SLC11A2: variants seen among roughly 807,000 people sequenced by gnomAD.
SLC11A2 encodes solute carrier family 11 member 2, also known as natural resistance-associated macrophage protein 2.
Under a neutral mutation model 68.0 loss-of-function variants are expected in SLC11A2, and 38 were observed. That is an observed-to-expected ratio of 0.56 (90% CI 0.43 to 0.73). The LOEUF is 0.73. SLC11A2 is among the 30% of genes least tolerant of loss of function. The probability of loss-of-function intolerance (pLI) is 0.00; values close to 1 mark genes in which losing one functional copy is unlikely to be tolerated. For synonymous variants in SLC11A2, 242 were observed against 250.6 expected, an observed-to-expected ratio of 0.97 and a Z score of 0.32; for missense variants, 517 against 690.5, an observed-to-expected ratio of 0.75 and a Z score of 2.82.
chr12:50,999,149 C>T (rs752479923), intron 8 of SLC11A2, 25 bp downstream of exon 8: 3 of 1,550,924 alleles, frequency 1.9e-6, no homozygotes, highest in South Asian at 2.3e-5. Flanking sequence ...TTTTAAGAAG[C>T]TAATGAATAT....
chr12:51,018,709 A>T (rs555020329), intron 1 of SLC11A2, among the ~76,000 whole-genome samples: 7 of 151,730 alleles, frequency 4.6e-5, no homozygotes, highest in Non-Finnish European at 8.8e-5. Flanking sequence ...TTGTGGCTGC[A>T]GTGAGCCGTG....
intron 15 of SLC11A2, among the ~76,000 whole-genome samples, chr12:50,989,048 CG>C (rs1315261816): frequency 6.6e-6 from 1 of 152,114 alleles, no homozygotes; most frequent in Non-Finnish European, 1.5e-5. Flanking sequence ...TGTAAGTTCT[CG>C]GAAGTCCACT....
chr12:51,014,126 A>T (rs1476920106), intron 1 of SLC11A2: 2 of 151,976 alleles, frequency 1.3e-5, no homozygotes, highest in African/African-American at 4.8e-5. Flanking sequence ...CTGGACAAAA[A>T]TTTTTCTTTT....
downstream of SLC11A2, among the ~76,000 whole-genome samples, chr12:50,983,028 AT>A (rs540469827): frequency 7.4e-4 from 111 of 150,264 alleles, no homozygotes; most frequent in East Asian, 0.019. Flanking sequence ...TGAAGTTGTT[AT>A]TTTTTTTGTA....
the SLC11A2 span, chr12:50,954,314 A>C: frequency 6.8e-6 from 3 of 438,730 alleles, no homozygotes; most frequent in Admixed American, 3.9e-5. Flanking sequence ...ATTCTATTTT[A>C]TCCATTTCAT....
chr12:51,003,696 G>C (rs942861567), intron 5 of SLC11A2, among the ~76,000 whole-genome samples: 1 of 150,966 alleles, frequency 6.6e-6, no homozygotes, highest in African/African-American at 2.4e-5. Flanking sequence ...GAGAAGCTGT[G>C]GTGGGAGGAC....
chr12:50,990,871 C>A lies in SLC11A2; in HGVS notation c.1499G>T (p.Arg500Leu). The change falls in exon 15 of 16, where the codon CGG (arginine) becomes CTG (leucine). Residue 500 changes from arginine to leucine, a missense_variant. Physicochemically the swap from Arg to Leu is moderately radical, Grantham distance 102. Transcript: ENST00000262052. Reference protein sequence around the residue: ...INMYFVVVYVRDLGHVALYVV... With the variant: ...INMYFVVVYVLDLGHVALYVV... ...ATATAATGCCACATGCCCTAGGTCC[C>A]GGACATAAACCACTACAAAGTACAT... 6.2e-7 allele frequency: 1 copy of A among 1,613,948 alleles called. No homozygotes were observed. Among genetic ancestry groups the A allele is most frequent in the Non-Finnish European group, 8.5e-7 (1 of 1,179,900 alleles).
chr12:50,960,977 G>A, the SLC11A2 span: 76 of 1,588,624 alleles, frequency 4.8e-5, no homozygotes, highest in African/African-American at 9.8e-4. Flanking sequence ...GGTATAGCAG[G>A]CTTTGTGACT....
At chr12:50,994,274 T>C (rs533860942) in intron 11 of SLC11A2, among the ~76,000 whole-genome samples, 58 of 152,270 alleles carry the variant, frequency 3.8e-4, no homozygotes, top group Non-Finnish European at 7.3e-4. Flanking sequence ...CTTGAACTCC[T>C]GAGCTCAAGT....
intron 10 of SLC11A2, among the ~76,000 whole-genome samples, chr12:50,995,372 AAGTC>A (rs1941605347): frequency 6.6e-6 from 1 of 152,122 alleles, no homozygotes; most frequent in South Asian, 2.1e-4. Context: ...TGACAAGACA[AAGTC>A]TGTCATCATC....
intron 11 of SLC11A2, among the ~76,000 whole-genome samples, chr12:50,993,600 G>GA (rs80289305): frequency 6.6e-6 from 1 of 151,708 alleles, no homozygotes; most frequent in African/African-American, 2.4e-5. Flanking sequence ...CCGAGGGGGG[G>GA]GTGGATCACC....
At position 51,005,425 on chromosome 12, in the gene SLC11A2, A is replaced by C; in HGVS notation, c.195T>G (p.Phe65Leu). ...TGAAAGCCCAGAGTTTACGAAAGCTAAAACAAGAGTACTGTACAAGAGAGG... is the reference window on the plus strand; with the variant it reads ...TGAAAGCCCAGAGTTTACGAAAGCTCAAACAAGAGTACTGTACAAGAGAGG... ...ISIPEEEYSCFSFRKLWAFTG... is the reference protein window; with the variant it reads ...ISIPEEEYSCLSFRKLWAFTG... The change falls in exon 4 of 16, where the codon TTT (phenylalanine) becomes TTG (leucine). Residue 65 changes from phenylalanine (F) to leucine (L), a missense_variant. Transcript: ENST00000262052. 1 of 1,613,892 alleles carries C rather than the reference A, an allele frequency of 6.2e-7. No individual in the cohort carries two copies. Among genetic ancestry groups the C allele is most frequent in the Non-Finnish European group, 8.5e-7 (1 of 1,179,840 alleles).
intron 1 of SLC11A2, among the ~76,000 whole-genome samples, chr12:51,017,433 C>T (rs997926697): frequency 3.3e-5 from 5 of 152,100 alleles, no homozygotes; most frequent in Non-Finnish European, 7.4e-5. Flanking sequence ...AAAACACACA[C>T]GTACACGTAC....
downstream of SLC11A2, among the ~76,000 whole-genome samples, chr12:50,975,864 C>A (rs1219491335): frequency 1.3e-5 from 2 of 152,098 alleles, no homozygotes; most frequent in Non-Finnish European, 2.9e-5. Context: ...CTATGAACAC[C>A]CCTACGCAAA....
At chr12:50,958,998 C>T in the SLC11A2 span, among the ~76,000 whole-genome samples, 13 of 151,956 alleles carry the variant, frequency 8.6e-5, no homozygotes, top group African/African-American at 3.1e-4. Context: ...GCCTGGGTGA[C>T]AGAGCAAGAC....
chr12:50,999,334 G>C lies in SLC11A2; in HGVS notation c.607+11C>G. Reference sequence around the variant, plus strand: ...CAGCTCCTTTGACCCTCCCATTCCCGCTCTCCTTACCATATTTGTCCAAGA... The same window carrying C: ...CAGCTCCTTTGACCCTCCCATTCCCCCTCTCCTTACCATATTTGTCCAAGA... On this transcript the variant is annotated intron_variant, in intron 7 of 15. Transcript: ENST00000262052. 1 of 1,612,318 alleles carries C rather than the reference G, an allele frequency of 6.2e-7. No individual in the cohort carries two copies. The highest frequency in any genetic ancestry group is 8.5e-7 in the Non-Finnish European group (1 of 1,178,412).
chr12:50,987,714 T>G lies in SLC11A2; in HGVS notation c.*611A>C. On this transcript the variant is annotated 3_prime_UTR_variant, in exon 16 of 16. Transcript: ENST00000262052. Reference sequence around the variant, plus strand: ...AGTTGTCAGTTTTTCCCCTTCTTTGTTTTCTCACCCCTCTTAACTTCCACT... The same window carrying G: ...AGTTGTCAGTTTTTCCCCTTCTTTGGTTTCTCACCCCTCTTAACTTCCACT... 1 of 1,287,138 alleles carries G rather than the reference T, an allele frequency of 7.8e-7. No individual in the cohort carries two copies. Among genetic ancestry groups the G allele is most frequent in the Non-Finnish European group, 1.0e-6 (1 of 988,656 alleles). 79.7% of individuals were successfully genotyped at this position (1,287,138 alleles called of 1,614,324 possible).
At chr12:50,960,627 C>G in the SLC11A2 span, among the ~76,000 whole-genome samples, 1 of 152,096 alleles carries the variant, frequency 6.6e-6, no homozygotes, top group African/African-American at 2.4e-5. Context: ...TGTAGACATT[C>G]TTTCATTTAA....
At chr12:50,957,773 T>C in the SLC11A2 span, among the ~76,000 whole-genome samples, 546 of 151,896 alleles carry the variant, frequency 3.6e-3, 4 homozygotes, top group African/African-American at 0.012. Context: ...TAATCCCAGC[T>C]ACTCAAGAGG....
Sources: allele counts gnomAD v4.1 joint callset (sites outside exome capture counted in the v4.1 genomes callset), GRCh38; gene constraint gnomAD v4.1.1; transcripts MANE v1.5; gene names NCBI Gene and HGNC (gene_info 2026-07-23, HGNC 2026-07-21).